CACNB2: variants seen among roughly 807,000 people sequenced by gnomAD.
The protein encoded by CACNB2 is calcium voltage-gated channel auxiliary subunit beta 2, also known as voltage-dependent L-type calcium channel subunit beta-2.
Under a neutral mutation model 73.3 loss-of-function variants are expected in CACNB2, and 42 were observed. That is an observed-to-expected ratio of 0.57 (90% CI 0.45 to 0.74). The LOEUF is 0.74. CACNB2 is among the 30% of genes least tolerant of loss of function. CACNB2 has a pLI of 0.00. For missense variants in CACNB2, 940 were observed against 853.0 expected, an observed-to-expected ratio of 1.10 and a Z score of -1.27; for synonymous variants, 348 against 310.3, an observed-to-expected ratio of 1.12 and a Z score of -1.28.
chr10:18,220,232 T>TATATAGAG (rs1488872721), intron 2 of CACNB2, among the ~76,000 whole-genome samples: 6 of 25,086 alleles, frequency 2.4e-4, no homozygotes, highest in Admixed American at 6.7e-4. Context: ...TATATATATA[T>TATATAGAG]AGAGAGAGAG....
chr10:18,295,998 GTTTTTTT>G lies in CACNB2; in HGVS notation c.214-105906_214-105900del, dbSNP rs34043231. ...TCAAAAATCACTATTCTTTTTGCGT[GTTTTTTT>G]TTTTTTTTTTTTTTTTTTTACCCTC... On this transcript the variant is annotated intron_variant, in intron 2 of 13. Coordinates refer to ENST00000324631, the MANE Select transcript of CACNB2 (RefSeq NM_201596.3). Among the ~76,000 whole-genome samples the G allele has an allele frequency of 6.1e-3, 373 of 60,804 alleles. 2 individuals are homozygous for G. Among genetic ancestry groups the G allele is most frequent in the African/African-American group, 0.024 (359 of 15,088 alleles). 39.9% of individuals were successfully genotyped at this position (60,804 alleles called of 152,430 possible). A position where few individuals can be genotyped will look rare whatever the true frequency, so the allele number is the denominator to read the frequency against.
chr10:18,518,522 A>C, intron 8 of CACNB2, 106 bp downstream of exon 8: 1 of 835,040 alleles, frequency 1.2e-6, no homozygotes, highest in Non-Finnish European at 2.1e-6. Context: ...TTAAGGAGCC[A>C]ACTTTAGAGC....
intron 2 of CACNB2, among the ~76,000 whole-genome samples, chr10:18,194,062 G>A (rs1054770315): frequency 1.3e-5 from 2 of 152,158 alleles, no homozygotes; most frequent in Non-Finnish European, 2.9e-5. Flanking sequence ...TGTGAGCACA[G>A]TCTGGAAGGA....
chr10:18,410,711 G>A (rs2044574136), intron 3 of CACNB2, among the ~76,000 whole-genome samples: 1 of 152,184 alleles, frequency 6.6e-6, no homozygotes, highest in South Asian at 2.1e-4. Flanking sequence ...GCTGGGCGCG[G>A]TGGCTCATGC....
At chr10:18,428,036 A>G (rs2045694098) in intron 3 of CACNB2, among the ~76,000 whole-genome samples, 1 of 152,018 alleles carries the variant, frequency 6.6e-6, no homozygotes, top group Admixed American at 6.6e-5. Context: ...AAAATTTCAT[A>G]TGTAGTATTT....
intron 2 of CACNB2, among the ~76,000 whole-genome samples, chr10:18,293,116 A>G (rs1217909591): frequency 1.3e-5 from 2 of 152,216 alleles, no homozygotes; most frequent in Non-Finnish European, 2.9e-5. Flanking sequence ...ATAGACAGTT[A>G]TTCTTTAAGA....
chr10:18,478,661 T>C (rs1435802780), intron 3 of CACNB2, among the ~76,000 whole-genome samples: 1 of 152,122 alleles, frequency 6.6e-6, no homozygotes, highest in Non-Finnish European at 1.5e-5. Flanking sequence ...CCTAATAGAG[T>C]TAAGAAGCTT....
At chr10:18,178,370 A>T (rs1254215426) in intron 2 of CACNB2, among the ~76,000 whole-genome samples, 2 of 152,166 alleles carry the variant, frequency 1.3e-5, no homozygotes, top group African/African-American at 2.4e-5. Flanking sequence ...ATCTTCTCAG[A>T]TTCCTTCTCA....
At chr10:18,313,092 T>C (rs1035984776) in intron 2 of CACNB2, among the ~76,000 whole-genome samples, 1 of 152,150 alleles carries the variant, frequency 6.6e-6, no homozygotes, top group Admixed American at 6.5e-5. Context: ...TTTTTTATAG[T>C]TGCATTTAGA....
rs549459406 is a variant in CACNB2, at chr10:18,533,295, C to A, written c.1055-781C>A. The A allele has an allele frequency of 2.0e-5, 3 of 152,196 alleles. No individual in the cohort carries two copies. In the South Asian group the frequency reaches 6.2e-4, roughly 32 times the overall value. The allele number at this position is 152,196 out of a possible 1,614,324, so 9.4% of individuals were successfully genotyped here. On this transcript the variant is annotated intron_variant, in intron 10 of 13. Transcript: ENST00000324631. ...CACGCCTGTTCAAGTGCTCAGTAGC[C>A]CATTAGCTGCTGCCACGCTGGACCA...
At chr10:18,282,301 G>T (rs192746098) in intron 2 of CACNB2, among the ~76,000 whole-genome samples, 1 of 152,178 alleles carries the variant, frequency 6.6e-6, no homozygotes, top group Non-Finnish European at 1.5e-5. Flanking sequence ...AGCTGTGGCT[G>T]GGTTCAGAGG....
chr10:18,159,963 G>T (rs971955445), intron 2 of CACNB2, among the ~76,000 whole-genome samples: 1 of 152,094 alleles, frequency 6.6e-6, no homozygotes, highest in African/African-American at 2.4e-5. Flanking sequence ...GGTGTCCTAA[G>T]AACTCATCTT....
intron 2 of CACNB2, among the ~76,000 whole-genome samples, chr10:18,297,116 T>C (rs923903618): frequency 1.3e-5 from 2 of 152,242 alleles, no homozygotes; most frequent in African/African-American, 4.8e-5. Context: ...TTTATCGTCT[T>C]GTATCTACTA....
chr10:18,258,612 G>T (rs2037385297), intron 2 of CACNB2, among the ~76,000 whole-genome samples: 1 of 152,104 alleles, frequency 6.6e-6, no homozygotes, highest in Non-Finnish European at 1.5e-5. Context: ...TGTAATCCCA[G>T]CTACTCAGGA....
intron 2 of CACNB2, among the ~76,000 whole-genome samples, chr10:18,211,642 C>G (rs1368792044): frequency 1.3e-5 from 2 of 152,068 alleles, no homozygotes; most frequent in African/African-American, 4.8e-5. Context: ...TAGATGTTTT[C>G]CTGTAAGATG....
intron 2 of CACNB2, among the ~76,000 whole-genome samples, chr10:18,267,478 C>T (rs959922473): frequency 2.6e-5 from 4 of 151,934 alleles, no homozygotes; most frequent in Admixed American, 2.6e-4. Context: ...TGGTGGCGGG[C>T]ACCTGTAATC....
chr10:18,434,866 A>G lies in CACNB2; in HGVS notation c.333+32823A>G, dbSNP rs77957159. ...TAAAGTCATCACAGGTCGTGTAAGT[A>G]TTTGAAAAATTCCAATCTACCATCA... On this transcript the variant is annotated intron_variant, in intron 3 of 13. Transcript: ENST00000324631. Among the ~76,000 whole-genome samples the G allele has an allele frequency of 1.3e-4, 20 of 152,374 alleles. No homozygotes were observed. The East Asian group carries it at 3.7e-3, about 28-fold the overall frequency.
intron 2 of CACNB2, among the ~76,000 whole-genome samples, chr10:18,184,889 G>T (rs190798044): frequency 2.5e-4 from 38 of 152,176 alleles, no homozygotes; most frequent in African/African-American, 7.9e-4. Flanking sequence ...GCCCAGGCTG[G>T]AGTGCAGTGG....
chr10:18,367,516 T>G (rs886157336), intron 2 of CACNB2, among the ~76,000 whole-genome samples: 1 of 152,182 alleles, frequency 6.6e-6, no homozygotes, highest in Admixed American at 6.5e-5. Flanking sequence ...TATAAAACTT[T>G]GGATGATTTG....
Sources: gnomAD v4.1 joint callset for allele counts (sites outside exome capture counted in the v4.1 genomes callset) on GRCh38, gnomAD v4.1.1 for gene constraint, MANE v1.5 for transcripts, NCBI Gene and HGNC (gene_info 2026-07-23, HGNC 2026-07-21) for gene names.